Variants in JADE3 observed in about 807,000 individuals in gnomAD.
The protein encoded by JADE3 is protein Jade-3.
Under a neutral mutation model 50.1 loss-of-function variants are expected in JADE3, and 2 were observed. That is an observed-to-expected ratio of 0.04 (90% CI 0.02 to 0.13). The LOEUF (loss-of-function observed/expected upper bound fraction) is 0.13, where lower values mean the gene tolerates loss of function less well. Among genes scored for constraint, JADE3 ranks in the 10% least tolerant of loss-of-function variants. JADE3 has a pLI of 1.00. For synonymous variants in JADE3, 218 were observed against 232.9 expected (o/e 0.94, Z 0.58); for missense variants, 475 against 634.4 (o/e 0.75, Z 2.70).
chrX:46,957,132 C>T (rs1927143700), intron 1 of JADE3, among the ~76,000 whole-genome samples: 1 of 111,447 alleles, frequency 9.0e-6, no homozygotes, highest in Non-Finnish European at 1.9e-5. Flanking sequence ...AATAAAGGGA[C>T]TAAAACATTA....
intron 3 of JADE3, among the ~76,000 whole-genome samples, chrX:46,987,705 G>A (rs1927891693): frequency 9.0e-6 from 1 of 111,575 alleles, no homozygotes; most frequent in African/African-American, 3.3e-5. Context: ...ACTACAGAAT[G>A]GTGAGAAAGA....
intron 1 of JADE3, among the ~76,000 whole-genome samples, chrX:46,979,236 A>G (rs1556352309): frequency 2.7e-5 from 3 of 112,381 alleles, no homozygotes; most frequent in African/African-American, 6.5e-5. Context: ...AATTTTGCCT[A>G]TTCTTTAAAA....
intron 1 of JADE3, among the ~76,000 whole-genome samples, chrX:46,965,007 C>A (rs1023017991): frequency 5.4e-5 from 6 of 111,795 alleles, no homozygotes; most frequent in African/African-American, 2.0e-4. Flanking sequence ...AAATTCATAT[C>A]TCCTTTCTTT....
At position 46,969,890 on chromosome X, in the gene JADE3, G is replaced by A. The variant is rs145710107; in HGVS notation, c.-11-14994G>A. On this transcript the variant is annotated intron_variant, in intron 1 of 10. Coordinates refer to ENST00000614628, the MANE Select transcript of JADE3 (RefSeq NM_014735.5). ...TGCTAAGAAGGAAATTTAGAGCACT[G>A]AATGCTTATATGAGGAAAAGATGAA... 7.7e-3 allele frequency among the ~76,000 whole-genome samples: 859 copies of A among 112,185 alleles called. 5 individuals carry two copies. Among genetic ancestry groups the A allele is most frequent in the Middle Eastern group, 0.014 (3 of 216 alleles).
chrX:47,042,155 G>A (rs2146984782), intron 8 of JADE3, among the ~76,000 whole-genome samples: 1 of 110,945 alleles, frequency 9.0e-6, no homozygotes, highest in South Asian at 3.8e-4. Context: ...CACCATGGCT[G>A]GCTAATTTTT....
intron 3 of JADE3, among the ~76,000 whole-genome samples, chrX:46,989,976 G>A (rs1556355529): frequency 9.2e-6 from 1 of 109,267 alleles, no homozygotes; most frequent in Non-Finnish European, 1.9e-5. Context: ...TTCATTAGTT[G>A]AGCCTATCTT....
chrX:46,934,359 C>T (rs182288913), intron 1 of JADE3, among the ~76,000 whole-genome samples: 1,483 of 103,238 alleles, frequency 0.014, 63 homozygotes, highest in Admixed American at 0.11. Context: ...AGTACAGTGG[C>T]GCGATCTCGG....
In JADE3 at chrX:47,059,007, A is replaced by G. The variant is rs1464117154; in HGVS notation, c.2402A>G (p.His801Arg). Residue 801 changes from histidine (H) to arginine (R), a missense_variant, in exon 11 of 11, where the codon CAT becomes CGT. By Grantham distance (29) the His-to-Arg change is conservative (BLOSUM62 0). This residue lies in a region of JADE3 where 243 missense variants were observed against 238.2 expected (regional missense o/e 1.02). Transcript: ENST00000614628. Reference protein sequence around the residue: ...KDSSDRENPPHDSRRDCHGKS... With the variant: ...KDSSDRENPPRDSRRDCHGKS... ...AGCTCAGACAGGGAAAATCCTCCCC[A>G]TGACTCTAGACGGGATTGCCATGGT... 3.3e-6 allele frequency: 4 copies of G among 1,207,601 alleles called. No homozygotes were observed. In the African/African-American group the frequency reaches 5.3e-5, roughly 16 times the overall value.
At chrX:46,951,702 A>AT (rs782817387) in intron 1 of JADE3, among the ~76,000 whole-genome samples, 20 of 103,212 alleles carry the variant, frequency 1.9e-4, no homozygotes, top group East Asian at 9.2e-4. Context: ...AGGCTTTGTT[A>AT]TTTTTTTTTT....
At chrX:46,971,378 C>T (rs367575385) in intron 1 of JADE3, among the ~76,000 whole-genome samples, 2 of 108,564 alleles carry the variant, frequency 1.8e-5, no homozygotes, top group Non-Finnish European at 3.8e-5. Flanking sequence ...GGCCTCCCAA[C>T]GTGCTGGGAT....
intron 1 of JADE3, among the ~76,000 whole-genome samples, chrX:46,963,040 T>C (rs782303737): frequency 2.7e-5 from 3 of 111,199 alleles, no homozygotes; most frequent in Non-Finnish European, 5.7e-5. Context: ...GGTTTCACCA[T>C]GTTGGCCAGG....
chrX:46,920,624 A>G (rs150518660), intron 1 of JADE3, among the ~76,000 whole-genome samples: 25 of 112,669 alleles, frequency 2.2e-4, no homozygotes, highest in African/African-American at 7.1e-4. Flanking sequence ...TTACCAAACT[A>G]TGTTCCAAAG....
intron 1 of JADE3, among the ~76,000 whole-genome samples, chrX:46,954,752 G>A (rs1038828413): frequency 9.0e-6 from 1 of 110,780 alleles, no homozygotes; most frequent in South Asian, 3.8e-4. Context: ...ACAAAGTTTC[G>A]CCATGTTGGC....
rs183932963 is a variant in JADE3 at position 47,033,171 on chromosome X, G to A, written c.688-450G>A. Among the ~76,000 whole-genome samples, 15 of 112,183 alleles carry A rather than the reference G, an allele frequency of 1.3e-4. No homozygotes were observed. The East Asian group carries it at 3.1e-3, about 23-fold the overall frequency. On this transcript the variant is annotated intron_variant, in intron 6 of 10. Transcript: ENST00000614628. The stretch of plus-strand genomic sequence containing the variant: ...AGGCGTTAATAGGCTTTTTATAAAC[G>A]TCAGTTCATTTGCTCCTCAGAAGTT...
chrX:47,027,840 TG>T, intron 5 of JADE3, 51 bp from the exon 6 acceptor site: 1 of 1,065,949 alleles, frequency 9.4e-7, no homozygotes, highest in Non-Finnish European at 1.3e-6. Context: ...GTAGGTGTTT[TG>T]GGAATGACAG....
intron 8 of JADE3, among the ~76,000 whole-genome samples, chrX:47,039,445 C>T (rs1276791523): frequency 4.7e-5 from 5 of 107,299 alleles, no homozygotes; most frequent in African/African-American, 1.7e-4. Context: ...TACATGTGCA[C>T]ATTTGTTACA....
chrX:46,927,234 C>T (rs1028378358), intron 1 of JADE3, among the ~76,000 whole-genome samples: 3 of 112,183 alleles, frequency 2.7e-5, no homozygotes, highest in Non-Finnish European at 5.6e-5. Context: ...AAATAAATGA[C>T]ATATTAAGGA....
At chrX:46,939,660 A>G in intron 1 of JADE3, among the ~76,000 whole-genome samples, 1 of 111,970 alleles carries the variant, frequency 8.9e-6, no homozygotes, top group Non-Finnish European at 1.9e-5. Context: ...GCCTCCCTCA[A>G]GCTGAAACTT....
chrX:47,056,702 A>C (rs782196294), intron 10 of JADE3, among the ~76,000 whole-genome samples: 1 of 112,166 alleles, frequency 8.9e-6, no homozygotes, highest in African/African-American at 3.2e-5. Context: ...ATACAGTAGA[A>C]AGCAAGACAA....
Sources: allele counts gnomAD v4.1 joint callset (sites outside exome capture counted in the v4.1 genomes callset), GRCh38; gene constraint gnomAD v4.1.1; regional missense constraint gnomAD v4.1.1; transcripts MANE v1.5; gene names NCBI Gene and HGNC (gene_info 2026-07-23, HGNC 2026-07-21).